KCNJ15: variants seen among roughly 807,000 people sequenced by gnomAD.
KCNJ15 encodes potassium inwardly rectifying channel subfamily J member 15, also known as ATP-sensitive inward rectifier potassium channel 15.
A neutral mutation model predicts 23.0 loss-of-function variants in KCNJ15; 14 were observed. The ratio of observed to expected loss-of-function variants is 0.61; its 90% CI spans 0.40 to 0.95. KCNJ15 has a LOEUF of 0.95. Among genes scored for constraint, KCNJ15 ranks in the 40% least tolerant of loss-of-function variants. The pLI, the probability that KCNJ15 is intolerant of heterozygous loss-of-function variation, is 0.00. For missense variants in KCNJ15, 388 were observed against 461.8 expected, an observed-to-expected ratio of 0.84 and a Z score of 1.46; for synonymous variants, 185 against 183.2, an observed-to-expected ratio of 1.01 and a Z score of -0.08.
upstream of KCNJ15, among the ~76,000 whole-genome samples, chr21:38,254,184 G>C (rs1980029419): frequency 6.6e-6 from 1 of 152,198 alleles, no homozygotes; most frequent in South Asian, 2.1e-4. Flanking sequence ...TCATTCAGTT[G>C]TTAAAGCATG....
chr21:38,286,073 C>T (rs1390912568), intron 1 of KCNJ15, among the ~76,000 whole-genome samples: 3 of 152,100 alleles, frequency 2.0e-5, no homozygotes, highest in Admixed American at 2.0e-4. Flanking sequence ...GAAACCTCGT[C>T]TCTACTAAAA....
intron 1 of KCNJ15, among the ~76,000 whole-genome samples, chr21:38,292,634 T>C (rs1003709072): frequency 1.3e-5 from 2 of 152,192 alleles, no homozygotes; most frequent in African/African-American, 4.8e-5. Context: ...TTGTATTCAG[T>C]GTTGAGTCAT....
chr21:38,258,529 C>G (rs1020643317), intron 1 of KCNJ15, among the ~76,000 whole-genome samples: 10 of 152,230 alleles, frequency 6.6e-5, no homozygotes, highest in African/African-American at 2.4e-4. Flanking sequence ...GGCCACAAGG[C>G]AAGTCTTCCC....
chr21:38,288,029 T>TTTTTTTTTTTTTTTTC (rs1984131880), intron 1 of KCNJ15, among the ~76,000 whole-genome samples: 1 of 80,210 alleles, frequency 1.2e-5, no homozygotes, highest in Non-Finnish European at 2.7e-5. Context: ...TTTTTTTCTT[T>TTTTTTTTTTTTTTTTC]GTTTTTTTTT....
chr21:38,284,172 C>G (rs1447874056), intron 1 of KCNJ15, among the ~76,000 whole-genome samples: 2 of 152,204 alleles, frequency 1.3e-5, no homozygotes, highest in African/African-American at 4.8e-5. Flanking sequence ...GAGGTGAGAT[C>G]CTCCTTCTGC....
Position 38,302,657 on chromosome 21 carries a change from C to T in KCNJ15, c.*2268C>T, listed in dbSNP as rs1446637912. On this transcript the variant is annotated 3_prime_UTR_variant, in exon 3 of 3. Transcript: ENST00000398938. ...AAAAATAATGCCACGGGCATGTTTA[C>T]ACCTTTTCTGTTGCACTATTAAATT... 1.3e-5 allele frequency: 2 copies of T among 152,164 alleles called. No homozygotes were observed. The highest frequency in any genetic ancestry group is 1.3e-4 in the Admixed American group (2 of 15,286). The allele number at this position is 152,164 out of a possible 1,614,324, so 9.4% of individuals were successfully genotyped here.
intron 1 of KCNJ15, among the ~76,000 whole-genome samples, chr21:38,296,348 C>T (rs561844854): frequency 1.4e-4 from 22 of 152,214 alleles, no homozygotes; most frequent in Non-Finnish European, 2.9e-4. Flanking sequence ...TGCAAAAGAA[C>T]CTCTTGAATT....
chr21:38,274,619 T>G (rs1172877600), intron 1 of KCNJ15, among the ~76,000 whole-genome samples: 1 of 152,198 alleles, frequency 6.6e-6, no homozygotes, highest in East Asian at 1.9e-4. Flanking sequence ...TTCCTTCCTA[T>G]CTTAGGGAAA....
rs1001742998 is a variant in KCNJ15 at position 38,301,127 on chromosome 21, C to G, written c.*738C>G. 1.8e-5 allele frequency: 3 copies of G among 167,054 alleles called. No homozygotes were observed. Among genetic ancestry groups the G allele is most frequent in the Non-Finnish European group, 4.4e-5 (3 of 68,116 alleles). 10.3% of individuals were successfully genotyped at this position (167,054 alleles called of 1,614,324 possible). On this transcript the variant is annotated 3_prime_UTR_variant, in exon 3 of 3. Transcript: ENST00000398938. The stretch of plus-strand genomic sequence containing the variant: ...ATTCAAAATGTGGTTCACAGACCCG[C>G]CACATCAGCACCATCCGAGAGCTTA...
chr21:38,296,638 C>G (rs1308312149), intron 1 of KCNJ15: 1 of 152,540 alleles, frequency 6.6e-6, no homozygotes, highest in Non-Finnish European at 1.5e-5. Context: ...GTGTGCCGGT[C>G]AGTTCATAGC....
intron 1 of KCNJ15, among the ~76,000 whole-genome samples, chr21:38,275,041 C>G (rs572113219): frequency 6.6e-6 from 1 of 152,262 alleles, no homozygotes; most frequent in South Asian, 2.1e-4. Context: ...ATACACTCTG[C>G]TTTTCATCCA....
At chr21:38,295,668 AG>A (rs1207964693) in intron 1 of KCNJ15, among the ~76,000 whole-genome samples, 3 of 152,202 alleles carry the variant, frequency 2.0e-5, no homozygotes, top group African/African-American at 7.2e-5. Context: ...TTAGAAGTTA[AG>A]CCAGGTCTAT....
chr21:38,271,324 G>C (rs1357375471), intron 1 of KCNJ15, among the ~76,000 whole-genome samples: 1 of 152,186 alleles, frequency 6.6e-6, no homozygotes, highest in Admixed American at 6.5e-5. Context: ...CGGAGGTTTT[G>C]CAGGACACAG....
chr21:38,263,734 G>A (rs939177968), intron 1 of KCNJ15, among the ~76,000 whole-genome samples: 56 of 151,820 alleles, frequency 3.7e-4, no homozygotes, highest in African/African-American at 1.3e-3. Flanking sequence ...CTCCATTTAG[G>A]TGTAAGTTGT....
chr21:38,263,904 TACACAC>T (rs58793003), intron 1 of KCNJ15, among the ~76,000 whole-genome samples: 3 of 150,262 alleles, frequency 2.0e-5, no homozygotes, highest in Admixed American at 6.7e-5. Flanking sequence ...CAAAGATACA[TACACAC>T]ACACACACAC....
At position 38,260,691 on chromosome 21, in the gene KCNJ15, G is replaced by A. The variant is rs141696573; in HGVS notation, c.-117+3506G>A. The stretch of plus-strand genomic sequence containing the variant: ...AGTTTTGCATTTTGGTACAAAACAC[G>A]CATGTGCCAGCCACCCGATTCGTTT... On this transcript the variant is annotated intron_variant, in intron 1 of 2. Transcript: ENST00000398938. Among the ~76,000 whole-genome samples the A allele has an allele frequency of 1.7e-3, 262 of 152,318 alleles. 2 individuals are homozygous for A. The highest frequency in any genetic ancestry group is 6.0e-3 in the African/African-American group (248 of 41,560).
chr21:38,250,020 G>A lies in KCNJ15; in HGVS notation c.-398-7026G>A, dbSNP rs181388854. ...ACACCCTCTTTCTATACTCCTGCTA[G>A]TCCTTCAGTGTGAAGTCCCTTAGAT... On this transcript the variant is annotated intron_variant, in intron 1 of 4. Transcript: ENST00000547341. Among the ~76,000 whole-genome samples, 1,507 of 152,308 alleles carry A rather than the reference G, an allele frequency of 9.9e-3. 16 individuals carry two copies. The highest frequency in any genetic ancestry group is 0.016 in the Non-Finnish European group (1,066 of 68,026).
chr21:38,274,769 G>A (rs749508282), intron 1 of KCNJ15, among the ~76,000 whole-genome samples: 2 of 152,098 alleles, frequency 1.3e-5, no homozygotes, highest in Non-Finnish European at 2.9e-5. Context: ...AATTTACATA[G>A]GTGTCCAGCC....
At chr21:38,288,916 T>C (rs952534406) in intron 1 of KCNJ15, among the ~76,000 whole-genome samples, 9 of 152,194 alleles carry the variant, frequency 5.9e-5, no homozygotes, top group East Asian at 3.9e-4. Flanking sequence ...TAAAACACAT[T>C]AAGCCGGGCG....
Sources: gnomAD v4.1 joint callset for allele counts (sites outside exome capture counted in the v4.1 genomes callset) on GRCh38, gnomAD v4.1.1 for gene constraint, MANE v1.5 for transcripts, NCBI Gene and HGNC (gene_info 2026-07-23, HGNC 2026-07-21) for gene names.